GDI2: variants seen among roughly 807,000 people sequenced by gnomAD.
GDI2 encodes rab GDP dissociation inhibitor beta.
In GDI2, 22 loss-of-function variants were observed where a neutral mutation model predicts 54.2. The ratio of observed to expected loss-of-function variants is 0.41; its 90% CI spans 0.29 to 0.58. The LOEUF is 0.58. Ranked by LOEUF, GDI2 falls within the 20% of genes least tolerant of loss-of-function variation. The pLI, the probability that GDI2 is intolerant of heterozygous loss-of-function variation, is 0.35. For synonymous variants in GDI2, 177 were observed against 182.1 expected (o/e 0.97, Z 0.23); for missense variants, 422 against 546.0 (o/e 0.77, Z 2.26).
intron 7 of GDI2, among the ~76,000 whole-genome samples, chr10:5,771,178 C>T (rs2131682372): frequency 6.6e-6 from 1 of 152,178 alleles, no homozygotes; most frequent in Middle Eastern, 3.4e-3. Context: ...CTGAAACTAG[C>T]TTTGCCAATT....
At position 5,792,318 on chromosome 10, in the gene GDI2, T is replaced by C. The variant is rs546477230; in HGVS notation, c.388+2567A>G. 1.0e-3 allele frequency among the ~76,000 whole-genome samples: 152 copies of C among 152,312 alleles called. 1 individual carries two copies. The highest frequency in any genetic ancestry group is 3.5e-3 in the African/African-American group (145 of 41,574). The stretch of plus-strand genomic sequence containing the variant: ...TAATAGCACCTGCATCTCACACGAT[T>C]GCAGTGAAGAACTATGTAAAGTTAG... On this transcript the variant is annotated intron_variant, in intron 4 of 10. Transcript: ENST00000380191.
At chr10:5,800,155 C>T (rs758239684) in intron 2 of GDI2, among the ~76,000 whole-genome samples, 6 of 151,956 alleles carry the variant, frequency 3.9e-5, no homozygotes, top group Non-Finnish European at 7.4e-5. Context: ...TATGTGTCCA[C>T]GTTCAAAAAA....
chr10:5,799,883 T>C (rs1050139431), intron 2 of GDI2, among the ~76,000 whole-genome samples: 18 of 152,154 alleles, frequency 1.2e-4, no homozygotes, highest in Non-Finnish European at 1.8e-4. Context: ...AAAAGAGACA[T>C]GAAAAAAATA....
At chr10:5,786,118 G>A (rs569867644) in intron 4 of GDI2, 68 bp from the exon 5 acceptor site, 26 of 963,488 alleles carry the variant, frequency 2.7e-5, no homozygotes, top group Non-Finnish European at 3.9e-5. Flanking sequence ...AAGTATGAGA[G>A]CAAAGTTTAA....
At chr10:5,772,021 C>T (rs1337213530) in intron 7 of GDI2, among the ~76,000 whole-genome samples, 1 of 151,780 alleles carries the variant, frequency 6.6e-6, no homozygotes, top group Non-Finnish European at 1.5e-5. Flanking sequence ...ACCCGGAAGG[C>T]AGAAGTTGCA....
Position 5,776,883 on chromosome 10 carries a change from G to A in GDI2, c.720-2942C>T. 3.1e-6 allele frequency: 3 copies of A among 971,106 alleles called. No homozygotes were observed. Among genetic ancestry groups the A allele is most frequent in the South Asian group, 2.0e-5 (1 of 51,084 alleles). 60.2% of individuals were successfully genotyped at this position (971,106 alleles called of 1,614,324 possible). On this transcript the variant is annotated intron_variant, in intron 6 of 10. Coordinates refer to ENST00000380191, the MANE Select transcript of GDI2 (RefSeq NM_001494.4). This position sits in a 1 kb window ranked among gnomAD's most constrained non-coding sequence, Gnocchi z 5.3. ...ATTAAAATGGAAGGCCAGAGAAGAG[G>A]GGAGAAGAGGAAATAATGCGAAAAC...
chr10:5,811,197 A>G (rs1408715020), intron 1 of GDI2, among the ~76,000 whole-genome samples: 1 of 152,210 alleles, frequency 6.6e-6, no homozygotes, highest in Non-Finnish European at 1.5e-5. Context: ...AATGATGGTA[A>G]TAATGTGATT....
chr10:5,810,458 G>A (rs1284185019), intron 1 of GDI2, among the ~76,000 whole-genome samples: 2 of 152,188 alleles, frequency 1.3e-5, no homozygotes, highest in Non-Finnish European at 2.9e-5. Flanking sequence ...GCAGAGAAAA[G>A]TAAATGTTGC....
chr10:5,813,162 G>A, intron 1 of GDI2, 52 bp downstream of exon 1: 5 of 1,192,106 alleles, frequency 4.2e-6, no homozygotes, highest in Admixed American at 2.2e-5. Context: ...CAGGAGCCGG[G>A]GGTGCGCCCG....
At position 5,776,831 on chromosome 10, in the gene GDI2, A is replaced by C; in HGVS notation, c.720-2890T>G. The C allele has an allele frequency of 7.3e-7, 1 of 1,376,074 alleles. No individual in the cohort carries two copies. Among genetic ancestry groups the C allele is most frequent in the South Asian group, 1.3e-5 (1 of 76,612 alleles). 85.2% of individuals were successfully genotyped at this position (1,376,074 alleles called of 1,614,324 possible). ...TCCAGAACTTCCCCTTATGGAGCTG[A>C]GGATATTCTGAAAGGATTTATGAAT... On this transcript the variant is annotated intron_variant, in intron 6 of 10. Coordinates refer to ENST00000380191, the MANE Select transcript of GDI2 (RefSeq NM_001494.4). The surrounding 1 kb of genome is among the most constrained non-coding windows in gnomAD (Gnocchi z 5.3).
At chr10:5,788,311 A>G (rs1840923148) in intron 4 of GDI2, among the ~76,000 whole-genome samples, 1 of 152,132 alleles carries the variant, frequency 6.6e-6, no homozygotes, top group Admixed American at 6.6e-5. Flanking sequence ...TACTAGGTAG[A>G]TAATTTTTTA....
chr10:5,780,927 G>T (rs539270251), intron 6 of GDI2, among the ~76,000 whole-genome samples: 1 of 152,068 alleles, frequency 6.6e-6, no homozygotes, highest in Non-Finnish European at 1.5e-5. Flanking sequence ...ATGGAAATGC[G>T]AACACCCAAA....
intron 5 of GDI2, 88 bp from the exon 6 acceptor site, chr10:5,785,361 C>G: frequency 1.0e-6 from 1 of 963,698 alleles, no homozygotes; most frequent in South Asian, 1.7e-5. Flanking sequence ...CGATTTCAAT[C>G]CGCTATCTTC....
intron 4 of GDI2, 68 bp from the exon 5 acceptor site, chr10:5,786,118 G>T: frequency 2.1e-6 from 2 of 963,550 alleles, no homozygotes; most frequent in Non-Finnish European, 1.6e-6. Flanking sequence ...AAGTATGAGA[G>T]CAAAGTTTAA....
intron 6 of GDI2, among the ~76,000 whole-genome samples, chr10:5,782,752 G>A (rs1381414898): frequency 1.3e-5 from 2 of 152,172 alleles, no homozygotes; most frequent in African/African-American, 4.8e-5. Flanking sequence ...TGACCAACAT[G>A]GTGAAACCCC....
chr10:5,807,924 T>C (rs1429544036), intron 1 of GDI2, among the ~76,000 whole-genome samples: 1 of 152,156 alleles, frequency 6.6e-6, no homozygotes, highest in African/African-American at 2.4e-5. Flanking sequence ...CCAGTAACAA[T>C]GGTATGCTGA....
Position 5,796,860 on chromosome 10 carries a change from T to A in GDI2, c.156A>T (p.Leu52Phe), listed in dbSNP as rs1232013589. ...ATCCTGGTATTTTAAATCTTTTGTA[T>A]AACTAAAAGCAAGGAAAAACATAGC... The part of the protein sequence containing the change: ...ESASITPLED[L>F]YKRFKIPGSP... The change falls in exon 3 of 11, where the codon TTA becomes TTT. Residue 52 changes from leucine to phenylalanine, a missense_variant and splice_region_variant. Transcript: ENST00000380191. 1 of 1,483,946 alleles carries A rather than the reference T, an allele frequency of 6.7e-7. No homozygotes were observed. Among genetic ancestry groups the A allele is most frequent in the Non-Finnish European group, 9.4e-7 (1 of 1,063,016 alleles). 91.9% of individuals were successfully genotyped at this position (1,483,946 alleles called of 1,614,324 possible).
At position 5,774,245 on chromosome 10, in the gene GDI2, G is replaced by A. The variant is rs562735757; in HGVS notation, c.720-304C>T. 1.1e-4 allele frequency among the ~76,000 whole-genome samples: 16 copies of A among 151,880 alleles called. No homozygotes were observed. The highest frequency in any genetic ancestry group is 6.2e-4 in the South Asian group (3 of 4,814). On this transcript the variant is annotated intron_variant, in intron 6 of 10. Coordinates refer to ENST00000380191, the MANE Select transcript of GDI2 (RefSeq NM_001494.4). This position sits in a 1 kb window ranked among gnomAD's most constrained non-coding sequence, Gnocchi z 4.8. ...CCTGCCCTAAAGCTTTTCAATAAAC[G>A]TCCACTCCTGCTCTAAAACTTGCCT...
intron 4 of GDI2, among the ~76,000 whole-genome samples, chr10:5,790,692 C>T (rs1159536896): frequency 2.6e-5 from 4 of 152,110 alleles, no homozygotes; most frequent in Non-Finnish European, 5.9e-5. Flanking sequence ...TAATCAACTA[C>T]TTAGCTATTT....
Sources: gnomAD v4.1 joint callset for allele counts (sites outside exome capture counted in the v4.1 genomes callset) on GRCh38, gnomAD v4.1.1 for gene constraint, Gnocchi (gnomAD v3.1) non-coding constraint, MANE v1.5 for transcripts, NCBI Gene and HGNC (gene_info 2026-07-23, HGNC 2026-07-21) for gene names.